STIM1: variants seen among roughly 807,000 people sequenced by gnomAD.
STIM1 encodes stromal interaction molecule 1.
In STIM1, 25 loss-of-function variants were observed where a neutral mutation model predicts 74.7. That is an observed-to-expected ratio of 0.33 (90% CI 0.24 to 0.47). STIM1 has a LOEUF of 0.47. STIM1 is among the 20% of genes least tolerant of loss of function. The pLI is 1.00. For missense variants in STIM1, 728 were observed against 920.8 expected (o/e 0.79, Z 2.71); for synonymous variants, 328 against 348.8 (o/e 0.94, Z 0.66).
At chr11:4,051,963 C>G (rs1209888800) in intron 3 of STIM1, among the ~76,000 whole-genome samples, 3 of 152,186 alleles carry the variant, frequency 2.0e-5, no homozygotes, top group Admixed American at 6.5e-5. Context: ...ACATCAAGAA[C>G]AGACAAACAG....
chr11:3,859,399 T>G (rs1344073791), intron 1 of STIM1, among the ~76,000 whole-genome samples: 2 of 152,206 alleles, frequency 1.3e-5, no homozygotes, highest in Non-Finnish European at 2.9e-5. Context: ...ACTCTGGGGC[T>G]TGCGTTTCTG....
intron 1 of STIM1, among the ~76,000 whole-genome samples, chr11:3,930,481 A>G (rs1283114538): frequency 1.3e-5 from 2 of 152,206 alleles, no homozygotes; most frequent in East Asian, 3.9e-4. Flanking sequence ...TAGCTCAGGA[A>G]AATGGGGGCA....
chr11:4,051,841 G>T (rs957031394), intron 3 of STIM1, among the ~76,000 whole-genome samples: 1 of 152,070 alleles, frequency 6.6e-6, no homozygotes, highest in African/African-American at 2.4e-5. Context: ...TGACATGATT[G>T]TATGTTTAGA....
At chr11:3,955,022 T>C (rs987908496) in intron 1 of STIM1, among the ~76,000 whole-genome samples, 2 of 152,234 alleles carry the variant, frequency 1.3e-5, no homozygotes, top group African/African-American at 4.8e-5. Flanking sequence ...GTATAGCCAT[T>C]CAATGGAATA....
At chr11:3,900,240 G>C (rs914545384) in intron 1 of STIM1, among the ~76,000 whole-genome samples, 6 of 152,190 alleles carry the variant, frequency 3.9e-5, no homozygotes, top group African/African-American at 1.2e-4. Flanking sequence ...CTCCGAGCCA[G>C]GTGCGGGATA....
In STIM1 at chr11:3,906,598, G is replaced by T. The variant is rs540567584; in HGVS notation, c.139+50189G>T. ...TACTGTCACTTAGCACCTACTATTTGCTAGGCATTGTGTGAGGTTCTTTAC... is the reference window on the plus strand; with the variant it reads ...TACTGTCACTTAGCACCTACTATTTTCTAGGCATTGTGTGAGGTTCTTTAC... On this transcript the variant is annotated intron_variant, in intron 1 of 12. Coordinates refer to ENST00000526596, the MANE Select transcript of STIM1 (RefSeq NM_001382567.1). Among the ~76,000 whole-genome samples, 23 of 152,258 alleles carry T rather than the reference G, an allele frequency of 1.5e-4. No homozygotes were observed. In the East Asian group the frequency reaches 1.9e-3, roughly 13 times the overall value.
intron 2 of STIM1, among the ~76,000 whole-genome samples, chr11:3,971,032 C>T (rs1178076793): frequency 2.0e-5 from 3 of 152,060 alleles, no homozygotes; most frequent in South Asian, 4.1e-4. Flanking sequence ...CTTCTGCAGC[C>T]GTAGTCAAAG....
intron 3 of STIM1, among the ~76,000 whole-genome samples, chr11:4,045,310 T>C (rs2094181916): frequency 6.6e-6 from 1 of 152,196 alleles, no homozygotes; most frequent in African/African-American, 2.4e-5. Flanking sequence ...CACTTGTCTG[T>C]CTGCCTTATA....
At chr11:3,906,784 C>T (rs1177293447) in intron 1 of STIM1, among the ~76,000 whole-genome samples, 1 of 152,094 alleles carries the variant, frequency 6.6e-6, no homozygotes, top group African/African-American at 2.4e-5. Context: ...GTAATGGATG[C>T]TCAGTAAGTT....
At chr11:3,951,395 A>G (rs975161114) in intron 1 of STIM1, among the ~76,000 whole-genome samples, 1 of 152,238 alleles carries the variant, frequency 6.6e-6, no homozygotes, top group Admixed American at 6.5e-5. Flanking sequence ...TATGGGGCAG[A>G]AAGATAATGA....
chr11:4,005,151 C>G (rs987110756), intron 2 of STIM1, among the ~76,000 whole-genome samples: 7 of 152,158 alleles, frequency 4.6e-5, no homozygotes, highest in African/African-American at 1.7e-4. Flanking sequence ...TAAACTAGTT[C>G]AACCATTGTG....
At chr11:4,086,886 C>T in intron 12 of STIM1, 2 of 1,514,588 alleles carry the variant, frequency 1.3e-6, no homozygotes, top group Non-Finnish European at 8.8e-7. Flanking sequence ...TCTTTTCTTT[C>T]TTCCCTTCCT....
At chr11:4,071,960 C>A (rs1000246744) in intron 6 of STIM1, among the ~76,000 whole-genome samples, 4 of 152,170 alleles carry the variant, frequency 2.6e-5, no homozygotes, top group Admixed American at 2.6e-4. Flanking sequence ...TAAGCTGATT[C>A]CTGGCTACTT....
chr11:3,980,606 T>A, intron 2 of STIM1, among the ~76,000 whole-genome samples: 2 of 74,094 alleles, frequency 2.7e-5, no homozygotes, highest in Non-Finnish European at 2.9e-5. Context: ...AGACCCCATC[T>A]CTTTAAAAAA....
intron 3 of STIM1, among the ~76,000 whole-genome samples, chr11:4,043,751 T>G (rs941510542): frequency 6.6e-6 from 1 of 151,772 alleles, no homozygotes; most frequent in Non-Finnish European, 1.5e-5. Context: ...GCGTGGTGGC[T>G]CATGCTTGTA....
At chr11:4,026,865 T>C (rs2094001962) in intron 3 of STIM1, among the ~76,000 whole-genome samples, 1 of 152,194 alleles carries the variant, frequency 6.6e-6, no homozygotes, top group Non-Finnish European at 1.5e-5. Context: ...AACTGAACTT[T>C]GGTGTTCAGT....
chr11:3,866,586 C>G (rs2135241457), intron 1 of STIM1, among the ~76,000 whole-genome samples: 1 of 152,122 alleles, frequency 6.6e-6, no homozygotes, highest in Middle Eastern at 3.4e-3. Flanking sequence ...GCCACCATGC[C>G]CAGCTAATTT....
At chr11:4,067,816 A>T (rs2094377860) in intron 5 of STIM1, among the ~76,000 whole-genome samples, 1 of 152,234 alleles carries the variant, frequency 6.6e-6, no homozygotes, top group Non-Finnish European at 1.5e-5. Flanking sequence ...ATCATACTTG[A>T]AGCTTATCAG....
chr11:4,071,090 A>G (rs913367469), intron 6 of STIM1, among the ~76,000 whole-genome samples: 1 of 152,188 alleles, frequency 6.6e-6, no homozygotes, highest in African/African-American at 2.4e-5. Flanking sequence ...GCGAGGTCCT[A>G]GGTGTTAAGG....
Sources: allele counts gnomAD v4.1 joint callset (sites outside exome capture counted in the v4.1 genomes callset), GRCh38; gene constraint gnomAD v4.1.1; transcripts MANE v1.5; gene names NCBI Gene and HGNC (gene_info 2026-07-23, HGNC 2026-07-21).